The following PCDH7 variants were observed in gnomAD, a reference collection of about 807,000 sequenced individuals.
PCDH7 encodes protocadherin-7.
In PCDH7, 17 loss-of-function variants were observed where a neutral mutation model predicts 58.9. The observed-to-expected ratio is 0.29, with a 90% CI of 0.20 to 0.43. The LOEUF is 0.43. Ranked by LOEUF, PCDH7 falls within the 20% of genes least tolerant of loss-of-function variation. PCDH7 has a pLI of 1.00. For missense variants in PCDH7, 1,274 were observed against 1,441.0 expected, an observed-to-expected ratio of 0.88 and a Z score of 1.88; for synonymous variants, 664 against 616.4, an observed-to-expected ratio of 1.08 and a Z score of -1.14.
chr4:31,029,681 G>C (rs371263156), intron 3 of PCDH7, among the ~76,000 whole-genome samples: 4 of 152,196 alleles, frequency 2.6e-5, no homozygotes, highest in African/African-American at 9.7e-5. Context: ...CCTAGATGGA[G>C]TGGTCCAGAA....
chr4:31,066,330 T>C (rs546844790), intron 3 of PCDH7, among the ~76,000 whole-genome samples: 7 of 151,972 alleles, frequency 4.6e-5, no homozygotes, highest in Non-Finnish European at 1.0e-4. Flanking sequence ...AGTCTTATAA[T>C]GTAATAATAA....
chr4:30,894,717 A>AT (rs1739181415), intron 1 of PCDH7, among the ~76,000 whole-genome samples: 1 of 150,194 alleles, frequency 6.7e-6, no homozygotes. Context: ...AGATGTTTTT[A>AT]TATGACCATG....
intron 1 of PCDH7, among the ~76,000 whole-genome samples, chr4:30,906,892 G>C (rs767514117): frequency 6.6e-6 from 1 of 151,794 alleles, no homozygotes; most frequent in Non-Finnish European, 1.5e-5. Flanking sequence ...GCGTGGTGGC[G>C]GGTGCCTGTA....
chr4:30,974,022 C>A (rs998054740), intron 3 of PCDH7, among the ~76,000 whole-genome samples: 1 of 151,894 alleles, frequency 6.6e-6, no homozygotes, highest in Admixed American at 6.6e-5. Context: ...GACAGATACC[C>A]TTGTCTTCTA....
chr4:31,023,378 A>G lies in PCDH7; in HGVS notation c.*7+73163A>G, dbSNP rs562042282. 2.6e-5 allele frequency among the ~76,000 whole-genome samples: 4 copies of G among 152,324 alleles called. No homozygotes were observed. In the East Asian group the frequency reaches 5.8e-4, roughly 22 times the overall value. The stretch of plus-strand genomic sequence containing the variant: ...TATCCCTATTCTTGTCCTGACATCT[A>G]AAGCTTCCCCTTCTAAAAGAATTGC... On this transcript the variant is annotated intron_variant, in intron 3 of 3. Coordinates refer to the PCDH7 transcript ENST00000509759.
chr4:31,015,103 C>T (rs1753500967), intron 3 of PCDH7, among the ~76,000 whole-genome samples: 1 of 152,070 alleles, frequency 6.6e-6, no homozygotes, highest in Admixed American at 6.6e-5. Flanking sequence ...ATAAGTTGAC[C>T]TGAATATATG....
intron 3 of PCDH7, among the ~76,000 whole-genome samples, chr4:31,133,040 T>A (rs1719181566): frequency 6.6e-6 from 1 of 152,248 alleles, no homozygotes; most frequent in Non-Finnish European, 1.5e-5. Context: ...ATGAGTTTTA[T>A]AATTTGTTTG....
At chr4:31,073,902 A>G (rs1021706118) in intron 3 of PCDH7, among the ~76,000 whole-genome samples, 1 of 152,136 alleles carries the variant, frequency 6.6e-6, no homozygotes, top group African/African-American at 2.4e-5. Flanking sequence ...GTATCTCAAC[A>G]GTGCATACTC....
rs544128510 is a variant in PCDH7, at chr4:30,730,302, T to TA, written c.3175-444dup. On this transcript the variant is annotated intron_variant, in intron 1 of 1. Coordinates refer to ENST00000361762, the Ensembl canonical transcript of PCDH7. ...TAAGCTTTGCTTTTCTTAGTTTTTT[T>TA]AAAAAAACCCATAGAATCTTTTCTA... is the stretch of plus-strand genomic sequence containing the variant. Among the ~76,000 whole-genome samples the TA allele has an allele frequency of 1.1e-4, 16 of 152,140 alleles. No homozygotes were observed. The East Asian group carries it at 2.3e-3, about 22-fold the overall frequency.
intron 1 of PCDH7, among the ~76,000 whole-genome samples, chr4:30,905,470 C>CA (rs1157795110): frequency 7.9e-4 from 13 of 16,500 alleles, no homozygotes; most frequent in East Asian, 2.9e-3. Context: ...AAATGAAAAA[C>CA]AAAAAAAAAC....
rs114269214 is a variant in PCDH7 at position 31,057,825 on chromosome 4, G to A, written c.*8-84648G>A. ...TATAGCACAATCAGAATGCAAAACC[G>A]ATGAAATATCCTTGTAAGATACTTA... On this transcript the variant is annotated intron_variant, in intron 3 of 3. Coordinates refer to the PCDH7 transcript ENST00000509759. 5.4e-3 allele frequency among the ~76,000 whole-genome samples: 816 copies of A among 152,072 alleles called. 8 individuals are homozygous for A. Among genetic ancestry groups the A allele is most frequent in the African/African-American group, 0.019 (779 of 41,474 alleles).
intron 1 of PCDH7, among the ~76,000 whole-genome samples, chr4:30,792,305 C>CTCTGG (rs943279201): frequency 3.3e-5 from 5 of 152,016 alleles, no homozygotes; most frequent in Non-Finnish European, 7.4e-5. Flanking sequence ...AGAAATGGCC[C>CTCTGG]TCTGGTCTTG....
intron 2 of PCDH7, among the ~76,000 whole-genome samples, chr4:30,936,972 C>T (rs908316394): frequency 6.6e-6 from 1 of 152,010 alleles, no homozygotes; most frequent in Non-Finnish European, 1.5e-5. Flanking sequence ...CACACACACA[C>T]ACAGACATAC....
intron 3 of PCDH7, among the ~76,000 whole-genome samples, chr4:30,971,802 A>C (rs1177950549): frequency 6.6e-6 from 1 of 152,092 alleles, no homozygotes; most frequent in Admixed American, 6.5e-5. Context: ...TCTCAACAAA[A>C]TATACAAAAA....
chr4:30,841,521 G>T (rs539873858), intron 1 of PCDH7, among the ~76,000 whole-genome samples: 1 of 152,192 alleles, frequency 6.6e-6, no homozygotes, highest in African/African-American at 2.4e-5. Context: ...TTACCCTCCA[G>T]ACATTCTAAG....
chr4:30,814,217 GTATA>G (rs1400561000), intron 1 of PCDH7, among the ~76,000 whole-genome samples: 1 of 151,752 alleles, frequency 6.6e-6, no homozygotes, highest in African/African-American at 2.4e-5. Context: ...GTGTGTGTGT[GTATA>G]TATATGTGTA....
intron 1 of PCDH7, among the ~76,000 whole-genome samples, chr4:30,780,219 T>C (rs1051472979): frequency 6.6e-6 from 1 of 151,862 alleles, no homozygotes; most frequent in Non-Finnish European, 1.5e-5. Flanking sequence ...AAATAGTTGT[T>C]TTCTGGCCAG....
At chr4:31,023,177 C>G (rs1383143722) in intron 3 of PCDH7, among the ~76,000 whole-genome samples, 2 of 152,118 alleles carry the variant, frequency 1.3e-5, no homozygotes, top group Non-Finnish European at 2.9e-5. Flanking sequence ...ATTTAATTGG[C>G]AAAGCATATG....
At chr4:30,796,430 A>T (rs971420907) in intron 1 of PCDH7, among the ~76,000 whole-genome samples, 1 of 152,196 alleles carries the variant, frequency 6.6e-6, no homozygotes, top group African/African-American at 2.4e-5. Context: ...TGTTCTTTAA[A>T]AAAGCAAGAG....
Sources: gnomAD v4.1 joint callset for allele counts (sites outside exome capture counted in the v4.1 genomes callset) on GRCh38, gnomAD v4.1.1 for gene constraint, MANE v1.5 for transcripts, NCBI Gene and HGNC (gene_info 2026-07-23, HGNC 2026-07-21) for gene names.